The following GALNT13 variants were observed in gnomAD, a reference collection of about 807,000 sequenced individuals.
GALNT13 encodes polypeptide N-acetylgalactosaminyltransferase 13, also known as UDP-GalNAc:polypeptide N-acetylgalactosaminyltransferase 13.
A neutral mutation model predicts 64.2 loss-of-function variants in GALNT13; 28 were observed. The ratio of observed to expected loss-of-function variants is 0.44; its 90% CI spans 0.32 to 0.60. GALNT13 has a LOEUF of 0.60. GALNT13 is among the 20% of genes least tolerant of loss of function. GALNT13 has a pLI of 0.05. For synonymous variants in GALNT13, 214 were observed against 224.6 expected (o/e 0.95, Z 0.42); for missense variants, 577 against 669.8 (o/e 0.86, Z 1.53).
chr2:154,243,341 A>G (rs1358253902), intron 6 of GALNT13, among the ~76,000 whole-genome samples: 1 of 152,128 alleles, frequency 6.6e-6, no homozygotes, highest in East Asian at 1.9e-4. Context: ...GGGAACAACA[A>G]TTCAGCTCTT....
At chr2:153,757,740 G>A in the GALNT13 span, among the ~76,000 whole-genome samples, 208 of 152,122 alleles carry the variant, frequency 1.4e-3, no homozygotes, top group Admixed American at 2.6e-3. Flanking sequence ...TAGAGATGTC[G>A]AACATTTTTT....
chr2:154,390,194 A>G (rs997660154), intron 9 of GALNT13, among the ~76,000 whole-genome samples: 1 of 152,210 alleles, frequency 6.6e-6, no homozygotes, highest in Non-Finnish European at 1.5e-5. Flanking sequence ...TGAATTTAAT[A>G]CTATAATGCA....
rs754588661 is a variant in GALNT13, at chr2:154,145,102, A to ATCTATCTATC, written c.311+4598_311+4599insCTATCTATCT. On this transcript the variant is annotated intron_variant, in intron 4 of 12. Transcript: ENST00000392825. ...TATCTATCTATCTATCTATCTATCT[A>ATCTATCTATC]TATATATATATATATATACACACAC... 1.3e-3 allele frequency among the ~76,000 whole-genome samples: 158 copies of ATCTATCTATC among 124,370 alleles called. 1 individual carries two copies. The highest frequency in any genetic ancestry group is 3.9e-3 in the South Asian group (16 of 4,102). 81.6% of individuals were successfully genotyped at this position (124,370 alleles called of 152,430 possible).
chr2:154,371,380 A>G (rs1240452389), intron 9 of GALNT13, among the ~76,000 whole-genome samples: 2 of 152,084 alleles, frequency 1.3e-5, no homozygotes, highest in African/African-American at 4.8e-5. Context: ...GTGAATCACT[A>G]TTATAGACAA....
chr2:154,392,593 A>C lies in GALNT13; in HGVS notation c.1157-3398A>C, dbSNP rs539943141. ...ACCATAAACATCACTTCTGTGGGAC[A>C]ATTGGGCTGGTTTCAAAGTGAGTAT... is the stretch of plus-strand genomic sequence containing the variant. On this transcript the variant is annotated intron_variant, in intron 9 of 12. Coordinates refer to ENST00000392825, the MANE Select transcript of GALNT13 (RefSeq NM_052917.4). Among the ~76,000 whole-genome samples the C allele has an allele frequency of 4.7e-4, 71 of 152,320 alleles. 1 individual carries two copies. Among genetic ancestry groups the C allele is most frequent in the South Asian group, 3.7e-3 (18 of 4,822 alleles).
chr2:153,490,918 C>G, the GALNT13 span, among the ~76,000 whole-genome samples: 1 of 150,572 alleles, frequency 6.6e-6, no homozygotes, highest in Admixed American at 6.6e-5. Context: ...CGAGATTGTG[C>G]CACTGCACTC....
At chr2:153,332,305 C>G in the GALNT13 span, among the ~76,000 whole-genome samples, 2 of 152,082 alleles carry the variant, frequency 1.3e-5, no homozygotes, top group African/African-American at 2.4e-5. Flanking sequence ...CAAGGTAGAC[C>G]TTTAGCATTA....
the GALNT13 span, among the ~76,000 whole-genome samples, chr2:153,752,634 T>C: frequency 2.0e-5 from 3 of 152,264 alleles, 1 homozygote; most frequent in African/African-American, 7.2e-5. Flanking sequence ...CCTCGTTGTA[T>C]GTTATTTGTT....
At chr2:154,376,234 A>T (rs891489201) in intron 9 of GALNT13, among the ~76,000 whole-genome samples, 1 of 152,144 alleles carries the variant, frequency 6.6e-6, no homozygotes, top group African/African-American at 2.4e-5. Flanking sequence ...TAAAAATTGT[A>T]TTACTTTTAA....
the GALNT13 span, chr2:153,478,812 A>T: frequency 2.5e-5 from 11 of 446,342 alleles, no homozygotes; most frequent in East Asian, 1.8e-4. Flanking sequence ...CGCTCGCTCG[A>T]GGGGGGGCTG....
At chr2:153,148,829 A>G in the GALNT13 span, among the ~76,000 whole-genome samples, 2 of 151,912 alleles carry the variant, frequency 1.3e-5, no homozygotes, top group Non-Finnish European at 2.9e-5. Context: ...AAAATAATAT[A>G]AAAGCAAACA....
chr2:153,782,069 C>A, the GALNT13 span, among the ~76,000 whole-genome samples: 3 of 152,204 alleles, frequency 2.0e-5, no homozygotes, highest in Non-Finnish European at 2.9e-5. Flanking sequence ...ATCCCACCAC[C>A]CCCTAAATTC....
At chr2:154,006,789 A>T (rs1480088578) in intron 3 of GALNT13, among the ~76,000 whole-genome samples, 1 of 152,190 alleles carries the variant, frequency 6.6e-6, no homozygotes, top group Non-Finnish European at 1.5e-5. Flanking sequence ...TGTTCAGAGT[A>T]TACCAAGTAG....
At chr2:153,982,289 T>C (rs915618649) in intron 3 of GALNT13, among the ~76,000 whole-genome samples, 1 of 152,142 alleles carries the variant, frequency 6.6e-6, no homozygotes. Flanking sequence ...TTGGCTCATC[T>C]TAGTAAGTAA....
chr2:153,909,913 G>A (rs1293338268), intron 2 of GALNT13, among the ~76,000 whole-genome samples: 2 of 152,086 alleles, frequency 1.3e-5, no homozygotes, highest in Admixed American at 6.6e-5. Flanking sequence ...GTCACTGCAA[G>A]GTTTTGGTAT....
chr2:153,640,626 T>C, the GALNT13 span, among the ~76,000 whole-genome samples: 1 of 151,738 alleles, frequency 6.6e-6, no homozygotes. Context: ...CTACAAAAAA[T>C]TAAAAATTAG....
the GALNT13 span, among the ~76,000 whole-genome samples, chr2:153,816,185 G>A: frequency 6.6e-6 from 1 of 152,160 alleles, no homozygotes; most frequent in Non-Finnish European, 1.5e-5. Flanking sequence ...AAAAGTGAAT[G>A]GGGTAGGAAC....
chr2:154,119,875 A>T (rs1348713912), intron 3 of GALNT13, among the ~76,000 whole-genome samples: 2 of 152,084 alleles, frequency 1.3e-5, no homozygotes, highest in Non-Finnish European at 2.9e-5. Flanking sequence ...TACTTTACTG[A>T]GCTTTTTAAA....
intron 8 of GALNT13, among the ~76,000 whole-genome samples, chr2:154,298,597 C>A (rs376729867): frequency 0.69 from 8,428 of 12,286 alleles, 2,797 homozygotes; most frequent in Middle Eastern, 0.83. Flanking sequence ...TTTATATATA[C>A]AATGTATATA....
Sources: allele counts gnomAD v4.1 joint callset (sites outside exome capture counted in the v4.1 genomes callset), GRCh38; gene constraint gnomAD v4.1.1; transcripts MANE v1.5; gene names NCBI Gene and HGNC (gene_info 2026-07-23, HGNC 2026-07-21).